Variants in RBM12 observed in about 807,000 individuals in gnomAD.
The protein encoded by RBM12 is RNA-binding protein 12.
A neutral mutation model predicts 37.2 loss-of-function variants in RBM12; 24 were observed. That is an observed-to-expected ratio of 0.65 (90% confidence interval 0.47 to 0.91). The LOEUF is 0.91. Ranked by LOEUF, RBM12 falls within the 40% of genes least tolerant of loss-of-function variation. The pLI is 0.00. For synonymous variants in RBM12, 420 were observed against 425.2 expected, an observed-to-expected ratio of 0.99 and a Z score of 0.15; for missense variants, 1,061 against 1,183.2, an observed-to-expected ratio of 0.90 and a Z score of 1.52.
At chr20:35,663,911 C>A (rs1425695152) in intron 1 of RBM12, among the ~76,000 whole-genome samples, 1 of 152,194 alleles carries the variant, frequency 6.6e-6, no homozygotes, top group African/African-American at 2.4e-5. Context: ...TCAAAAGCAC[C>A]CACCCTCCGC....
chr20:35,652,820 G>A lies in RBM12; in HGVS notation c.2503C>T (p.Pro835Ser), dbSNP rs757294187. 3.8e-6 allele frequency: 6 copies of A among 1,595,888 alleles called. No individual in the cohort carries two copies. The highest frequency in any genetic ancestry group is 5.1e-6 in the Non-Finnish European group (6 of 1,170,458). ...GGACCACCAATATGGATTGGGCCAG[G>A]GCCGGGGCCGGGGCCGGGGCCAGGC... ...FGPGPGPGPG[P>S]GPIHIGGPPG... Residue 835 changes from proline to serine, a missense_variant, in exon 3 of 3, where the codon CCT (proline) becomes TCT (serine). Transcript: ENST00000374114.
In RBM12 at chr20:35,653,514, G is replaced by A; in HGVS notation, c.1809C>T (p.Arg603=). The change falls in exon 3 of 3, where the codon CGC becomes CGT. Residue 603 remains arginine, a synonymous_variant. Transcript: ENST00000374114. The part of the protein sequence containing the change: ...KNEDDARKSE[R]LHRKKLNGRE... ...TCCCATTAAGTTTTTTACGGTGTAA[G>A]CGTTCAGACTTACGTGCATCATCTT... is the stretch of plus-strand genomic sequence containing the variant. 6.2e-7 allele frequency: 1 copy of A among 1,614,194 alleles called. No individual in the cohort carries two copies. Among genetic ancestry groups the A allele is most frequent in the Non-Finnish European group, 8.5e-7 (1 of 1,180,034 alleles).
intron 1 of RBM12, among the ~76,000 whole-genome samples, chr20:35,661,786 T>C (rs2034243690): frequency 6.6e-6 from 1 of 152,216 alleles, no homozygotes; most frequent in South Asian, 2.1e-4. Flanking sequence ...AACGACTATT[T>C]TCACTCTTCA....
chr20:35,652,665 C>T lies in RBM12; in HGVS notation c.2658G>A (p.Val886=), dbSNP rs1405054097. 1 of 1,614,082 alleles carries T rather than the reference C, an allele frequency of 6.2e-7. No individual in the cohort carries two copies. The highest frequency in any genetic ancestry group is 8.5e-7 in the Non-Finnish European group (1 of 1,180,040). The change falls in exon 3 of 3, where the codon GTG becomes GTA. Residue 886 remains valine, a synonymous_variant. Transcript: ENST00000374114. ...FYGYQVIPGS[V]CLKYNEKGMP... ...TACCTTTTTCATTGTATTTTAAACA[C>T]ACTGAGCCTGGGATTACTTGATAGC... is the stretch of plus-strand genomic sequence containing the variant.
intron 2 of RBM12, 112 bp downstream of exon 2, chr20:35,658,818 C>CAT (rs2034062274): frequency 3.5e-6 from 2 of 566,188 alleles, no homozygotes; most frequent in South Asian, 3.8e-5. Flanking sequence ...CACACACACA[C>CAT]ACACACACAC....
Position 35,651,114 on chromosome 20 carries a change from G to A in RBM12, c.*1410C>T, listed in dbSNP as rs2033482930. 1 of 152,150 alleles carries A rather than the reference G, an allele frequency of 6.6e-6. No individual in the cohort carries two copies. 9.4% of individuals were successfully genotyped at this position (152,150 alleles called of 1,614,324 possible). A position where few individuals can be genotyped will look rare whatever the true frequency, so the allele number is the denominator to read the frequency against. On this transcript the variant is annotated 3_prime_UTR_variant, in exon 3 of 3. Coordinates refer to ENST00000374114, the MANE Select transcript of RBM12 (RefSeq NM_006047.6). ...AGTAACCATAATTAGAGCCTTTTATGACAGTGAGAAAATTTGTTTTTCATA... is the reference window on the plus strand; with the variant it reads ...AGTAACCATAATTAGAGCCTTTTATAACAGTGAGAAAATTTGTTTTTCATA...
rs1268307091 is a variant in RBM12 at position 35,654,613 on chromosome 20, G to A, written c.710C>T (p.Pro237Leu). ...CGGCATGCCCGACATGGGTGGCAGT[G>A]GGGTCATGGGTGGCACAGAAGGAAC... ...PPVPSVPPMT[P>L]LPPMSGMPPL... is the part of the protein sequence containing the mutation. The change falls in exon 3 of 3, where the codon CCA becomes CTA. Residue 237 changes from proline to leucine, a missense_variant. Pro to Leu is a moderately conservative substitution (Grantham distance 98, BLOSUM62 -3). Around this residue, in one of 3 missense-constraint regions of RBM12, gnomAD observed 540 missense variants for 632.7 expected, o/e 0.85. Coordinates refer to ENST00000374114, the MANE Select transcript of RBM12 (RefSeq NM_006047.6). The A allele has an allele frequency of 6.2e-7, 1 of 1,614,088 alleles. No homozygotes were observed. The highest frequency in any genetic ancestry group is 1.3e-5 in the African/African-American group (1 of 74,924).
Position 35,650,565 on chromosome 20 carries a change from G to A in RBM12, c.*1959C>T, listed in dbSNP as rs886149091. The A allele has an allele frequency of 1.3e-5, 2 of 152,488 alleles. No individual in the cohort carries two copies. Among genetic ancestry groups the A allele is most frequent in the Non-Finnish European group, 2.9e-5 (2 of 67,998 alleles). 9.4% of individuals were successfully genotyped at this position (152,488 alleles called of 1,614,324 possible). On this transcript the variant is annotated 3_prime_UTR_variant, in exon 3 of 3. Transcript: ENST00000374114. Reference sequence around the variant, plus strand: ...CTTAAATTAAACAGCATATACAAACGTTATATTGCTTTTGAAATTGAGGAG... The same window carrying A: ...CTTAAATTAAACAGCATATACAAACATTATATTGCTTTTGAAATTGAGGAG...
Position 35,652,556 on chromosome 20 carries a change from C to G in RBM12, c.2767G>C (p.Gly923Arg). ...AATACAAGTTTTACTTTTCTTGAAC[C>G]TATAGGCCTGTCATTTAAGTCAATG... is the stretch of plus-strand genomic sequence containing the variant. ...AVIDLNDRPIGSRKVKLVLG is the reference protein window; with the variant it reads ...AVIDLNDRPIRSRKVKLVLG The change falls in exon 3 of 3, where the codon GGT becomes CGT. Residue 923 changes from glycine (G) to arginine (R), a missense_variant. Gly to Arg is a moderately radical substitution (Grantham distance 125, BLOSUM62 -2). Transcript: ENST00000374114. The G allele has an allele frequency of 6.2e-7, 1 of 1,613,984 alleles. No homozygotes were observed. Among genetic ancestry groups the G allele is most frequent in the Non-Finnish European group, 8.5e-7 (1 of 1,179,966 alleles).
Position 35,654,325 on chromosome 20 carries a change from T to G in RBM12, c.998A>C (p.His333Pro). 6.2e-7 allele frequency: 1 copy of G among 1,614,138 alleles called. No homozygotes were observed. The highest frequency in any genetic ancestry group is 8.5e-7 in the Non-Finnish European group (1 of 1,180,028). The change falls in exon 3 of 3, where the codon CAT (histidine) becomes CCT (proline). Residue 333 changes from histidine (H) to proline (P), a missense_variant. Coordinates refer to ENST00000374114, the MANE Select transcript of RBM12 (RefSeq NM_006047.6). ...TCGACCTACATGATCTTTCAACAAA[T>G]GCACTGCATCAACACGGAGCCCATG... ...FFHGLRVDAV[H>P]LLKDHVGRNN... is the part of the protein sequence containing the mutation.
Position 35,655,187 on chromosome 20 carries a change from CGAT to C in RBM12, c.133_135del (p.Ile45del). On this transcript the variant is annotated inframe_deletion, in exon 3 of 3. Transcript: ENST00000374114. ...CTTGCATCTTCATCAGTGGCAAAAA[CGAT>C]GAAAGCCTCACCCAGTTCACCCCCT... 1 of 1,614,140 alleles carries C rather than the reference CGAT, an allele frequency of 6.2e-7. No individual in the cohort carries two copies. The highest frequency in any genetic ancestry group is 8.5e-7 in the Non-Finnish European group (1 of 1,180,034).
chr20:35,652,564 C>T lies in RBM12; in HGVS notation c.2759G>A (p.Arg920Lys). The T allele has an allele frequency of 6.2e-7, 1 of 1,614,108 alleles. No homozygotes were observed. The highest frequency in any genetic ancestry group is 8.5e-7 in the Non-Finnish European group (1 of 1,180,006). The change falls in exon 3 of 3, where the codon AGG becomes AAG. Residue 920 changes from arginine to lysine, a missense_variant. Physicochemically the swap from Arg to Lys is conservative, Grantham distance 26. Coordinates refer to ENST00000374114, the MANE Select transcript of RBM12 (RefSeq NM_006047.6). ...ATAAVIDLND[R>K]PIGSRKVKLV... ...TTTTACTTTTCTTGAACCTATAGGC[C>T]TGTCATTTAAGTCAATGACAGCAGC...
chr20:35,659,606 G>A (rs1327961866), intron 1 of RBM12, among the ~76,000 whole-genome samples: 1 of 152,084 alleles, frequency 6.6e-6, no homozygotes, highest in African/African-American at 2.4e-5. Flanking sequence ...AAAATATTAA[G>A]GGAAAGTGTT....
At chr20:35,664,270 T>G (rs1281965391) in intron 1 of RBM12, 1 of 152,306 alleles carries the variant, frequency 6.6e-6, no homozygotes, top group Non-Finnish European at 1.5e-5. Flanking sequence ...CCCACAGGTG[T>G]GACCTGGGTC....
At chr20:35,663,486 TCA>T (rs1296230771) in intron 1 of RBM12, among the ~76,000 whole-genome samples, 52 of 152,174 alleles carry the variant, frequency 3.4e-4, no homozygotes, top group Middle Eastern at 3.2e-3. Context: ...TCAGTTGCCA[TCA>T]CACTTTTTTC....
rs778007156 is a variant in RBM12, at chr20:35,655,092, C to T, written c.231G>A (p.Thr77=). The change falls in exon 3 of 3, where the codon ACG becomes ACA. Residue 77 remains threonine, a synonymous_variant. Transcript: ENST00000374114. ...TCAGTTCAATCATATTCTGCATTTC[C>T]GTCTTACTACTCAACAATAGTGTTA... ...SKVTLLLSSK[T]EMQNMIELSR... 1.5e-5 allele frequency: 24 copies of T among 1,614,116 alleles called. No homozygotes were observed. The highest frequency in any genetic ancestry group is 1.2e-4 in the South Asian group (11 of 91,076).
Position 35,649,565 on chromosome 20 carries a change from T to A in RBM12, c.*2959A>T, listed in dbSNP as rs749501987. 2 of 152,632 alleles carry A rather than the reference T, an allele frequency of 1.3e-5. No individual in the cohort carries two copies. Among genetic ancestry groups the A allele is most frequent in the African/African-American group, 2.4e-5 (1 of 41,454 alleles). The allele number at this position is 152,632 out of a possible 1,614,324, so 9.5% of individuals were successfully genotyped here. ...CTAGGAACTACATTTCACTTAACACTGTTTCATTTTTTAAAAAGCCACTAA... is the reference window on the plus strand; with the variant it reads ...CTAGGAACTACATTTCACTTAACACAGTTTCATTTTTTAAAAAGCCACTAA... On this transcript the variant is annotated 3_prime_UTR_variant, in exon 3 of 3. Coordinates refer to ENST00000374114, the MANE Select transcript of RBM12 (RefSeq NM_006047.6).
At chr20:35,658,491 C>T (rs1396787533) in intron 2 of RBM12, among the ~76,000 whole-genome samples, 3 of 151,944 alleles carry the variant, frequency 2.0e-5, no homozygotes, top group African/African-American at 7.3e-5. Context: ...GCCTGGGTGG[C>T]GGCTCATGCC....
chr20:35,650,037 T>C lies in RBM12; in HGVS notation c.*2487A>G, dbSNP rs2033394536. 6.6e-6 allele frequency: 1 copy of C among 152,586 alleles called. No homozygotes were observed. The highest frequency in any genetic ancestry group is 1.5e-5 in the Non-Finnish European group (1 of 67,994). The allele number at this position is 152,586 out of a possible 1,614,324, so 9.5% of individuals were successfully genotyped here. On this transcript the variant is annotated 3_prime_UTR_variant, in exon 3 of 3. Transcript: ENST00000374114. ...GAGAGGTATGAGTAGTTTCACAGAA[T>C]ACATTTTCAAGAATTTTTTAAAAAC... is the stretch of plus-strand genomic sequence containing the variant.
Sources: allele counts gnomAD v4.1 joint callset (sites outside exome capture counted in the v4.1 genomes callset), GRCh38; gene constraint gnomAD v4.1.1; regional missense constraint gnomAD v4.1.1; transcripts MANE v1.5; gene names NCBI Gene and HGNC (gene_info 2026-07-23, HGNC 2026-07-21).